FBLN7: variants seen among roughly 807,000 people sequenced by gnomAD.
The protein encoded by FBLN7 is fibulin-7.
FBLN7 carries 31 observed loss-of-function variants against 44.0 expected under a neutral mutation model. The observed-to-expected ratio is 0.70, with a 90% CI of 0.53 to 0.95. The LOEUF (loss-of-function observed/expected upper bound fraction) is 0.95. FBLN7 is among the 40% of genes least tolerant of loss of function. The pLI, the probability that FBLN7 is intolerant of heterozygous loss-of-function variation, is 0.00. For missense variants in FBLN7, 573 were observed against 618.5 expected, an observed-to-expected ratio of 0.93 and a Z score of 0.78; for synonymous variants, 262 against 253.4, an observed-to-expected ratio of 1.03 and a Z score of -0.32.
intron 3 of FBLN7, among the ~76,000 whole-genome samples, chr2:112,166,000 A>G (rs1682135628): frequency 1.3e-5 from 2 of 151,826 alleles, no homozygotes; most frequent in South Asian, 2.1e-4. Context: ...AAACACGGAC[A>G]TTATATAAAC....
Position 112,175,708 on chromosome 2 carries a change from T to A in FBLN7, c.407-6T>A. ...CCGTATATTTGAAAATTATTTATCT[T>A]CCTAGGTATCAGTGAATGCTCCAGC... On this transcript the variant is annotated splice_polypyrimidine_tract_variant and splice_region_variant and intron_variant, in intron 3 of 7. Coordinates refer to ENST00000331203, the MANE Select transcript of FBLN7 (RefSeq NM_153214.3). 3 of 1,614,078 alleles carry A rather than the reference T, an allele frequency of 1.9e-6. No individual in the cohort carries two copies. Among genetic ancestry groups the A allele is most frequent in the Non-Finnish European group, 2.5e-6 (3 of 1,179,974 alleles).
chr2:112,168,040 G>C (rs1365961849), intron 3 of FBLN7, among the ~76,000 whole-genome samples: 1 of 152,154 alleles, frequency 6.6e-6, no homozygotes, highest in African/African-American at 2.4e-5. Context: ...ACTTTGCCTG[G>C]AGGACCATGG....
intron 1 of FBLN7, among the ~76,000 whole-genome samples, chr2:112,139,968 T>G (rs1680547761): frequency 1.4e-5 from 1 of 69,948 alleles, no homozygotes. Context: ...CCAGTGTCCC[T>G]CCCGCCTCTC....
chr2:112,242,634 C>G, the FBLN7 span, among the ~76,000 whole-genome samples: 3 of 152,168 alleles, frequency 2.0e-5, no homozygotes, highest in African/African-American at 2.4e-5. Context: ...TCAAGTCAGA[C>G]GGCAAATCAC....
intron 1 of FBLN7, among the ~76,000 whole-genome samples, chr2:112,157,635 A>AT (rs1030108741): frequency 6.6e-6 from 1 of 152,016 alleles, no homozygotes. Context: ...TAGGTAATTA[A>AT]TTTTTTTGAG....
chr2:112,180,692 G>T (rs1021686844), intron 4 of FBLN7, among the ~76,000 whole-genome samples: 15 of 152,076 alleles, frequency 9.9e-5, no homozygotes, highest in Admixed American at 5.2e-4. Context: ...AGGCCGAGGT[G>T]GGCAGATCAC....
In FBLN7 at chr2:112,138,595, A is replaced by G; in HGVS notation, c.-61A>G. The G allele has an allele frequency of 6.4e-7, 1 of 1,554,384 alleles. No individual in the cohort carries two copies. Among genetic ancestry groups the G allele is most frequent in the Non-Finnish European group, 8.7e-7 (1 of 1,144,334 alleles). On this transcript the variant is annotated 5_prime_UTR_variant, in exon 1 of 8. Transcript: ENST00000331203. ...GGGACGGCTGCCGCATCGCTGGGAC[A>G]AACTCGGCAGCGGAGGCAAAGTTAT...
At chr2:112,138,870 C>G (rs1458183253) in intron 1 of FBLN7, 140 bp downstream of exon 1, 2 of 1,315,158 alleles carry the variant, frequency 1.5e-6, no homozygotes, top group Non-Finnish European at 2.0e-6. Context: ...CTGTCCCTCC[C>G]GCCTCTCTCC....
chr2:112,221,157 T>C, the FBLN7 span, among the ~76,000 whole-genome samples: 1 of 152,240 alleles, frequency 6.6e-6, no homozygotes, highest in Non-Finnish European at 1.5e-5. Flanking sequence ...CAGTCTTTGA[T>C]ATGGTTTGAA....
intron 6 of FBLN7, among the ~76,000 whole-genome samples, chr2:112,183,654 TG>T (rs927132592): frequency 2.0e-5 from 3 of 152,042 alleles, no homozygotes; most frequent in Non-Finnish European, 1.5e-5. Flanking sequence ...GAGAGTGGGT[TG>T]GGGGGCAGCG....
At chr2:112,238,619 G>T in the FBLN7 span, 1 of 1,065,498 alleles carries the variant, frequency 9.4e-7, no homozygotes, top group Non-Finnish European at 1.3e-6. Context: ...CTATAAACTG[G>T]TCATTGTTGA....
At chr2:112,190,896 AT>A (rs1186572497), downstream of FBLN7, among the ~76,000 whole-genome samples, 6 of 152,204 alleles carry the variant, frequency 3.9e-5, 1 homozygote, top group South Asian at 1.2e-3. Context: ...TATTATTAGT[AT>A]TTTTTAAGAT....
chr2:112,224,995 C>T, the FBLN7 span, among the ~76,000 whole-genome samples: 1 of 152,160 alleles, frequency 6.6e-6, no homozygotes, highest in African/African-American at 2.4e-5. Context: ...TTTCAGTGTA[C>T]AAGTGTACAC....
chr2:112,221,013 G>C, the FBLN7 span, among the ~76,000 whole-genome samples: 245 of 152,252 alleles, frequency 1.6e-3, no homozygotes, highest in African/African-American at 5.5e-3. Flanking sequence ...TAACAAGGTT[G>C]GGGAAATTTT....
intron 1 of FBLN7, among the ~76,000 whole-genome samples, chr2:112,154,300 A>T (rs1681307519): frequency 6.6e-6 from 1 of 152,190 alleles, no homozygotes; most frequent in African/African-American, 2.4e-5. Flanking sequence ...AAGGGATGAA[A>T]ATTTATACCA....
At chr2:112,202,974 G>A in the FBLN7 span, among the ~76,000 whole-genome samples, 1 of 152,124 alleles carries the variant, frequency 6.6e-6, no homozygotes, top group Non-Finnish European at 1.5e-5. Context: ...AGTAGCAATT[G>A]TTTAATATTG....
the FBLN7 span, among the ~76,000 whole-genome samples, chr2:112,201,111 G>A: frequency 4.6e-5 from 7 of 152,174 alleles, no homozygotes; most frequent in Non-Finnish European, 8.8e-5. Context: ...GGTGGAAAGC[G>A]AGATGTACCC....
chr2:112,235,626 T>C, the FBLN7 span, among the ~76,000 whole-genome samples: 13 of 152,216 alleles, frequency 8.5e-5, no homozygotes, highest in African/African-American at 2.6e-4. Context: ...ATAAAAAAAG[T>C]TGCCATCCAG....
intron 1 of FBLN7, among the ~76,000 whole-genome samples, chr2:112,142,077 C>T (rs529128686): frequency 1.3e-5 from 2 of 152,330 alleles, no homozygotes; most frequent in South Asian, 4.1e-4. Flanking sequence ...GTGAGACTCT[C>T]TTTCACCCAC....
Sources: gnomAD v4.1 joint callset for allele counts (sites outside exome capture counted in the v4.1 genomes callset) on GRCh38, gnomAD v4.1.1 for gene constraint, MANE v1.5 for transcripts, NCBI Gene and HGNC (gene_info 2026-07-23, HGNC 2026-07-21) for gene names.